The following PLEKHG1 variants were observed in gnomAD, a reference collection of about 807,000 sequenced individuals.
PLEKHG1 encodes pleckstrin homology and RhoGEF domain containing G1.
PLEKHG1 carries 44 observed loss-of-function variants against 100.8 expected under a neutral mutation model. The observed-to-expected ratio is 0.44, with a 90% CI of 0.34 to 0.56. PLEKHG1 has a LOEUF of 0.56. Ranked by LOEUF, PLEKHG1 falls within the 20% of genes least tolerant of loss-of-function variation. The pLI is 0.01. For synonymous variants in PLEKHG1, 640 were observed against 662.5 expected (o/e 0.97, Z 0.52); for missense variants, 1,545 against 1,720.9 (o/e 0.90, Z 1.81).
intron 1 of PLEKHG1, among the ~76,000 whole-genome samples, chr6:150,634,263 GA>G (rs1476864816): frequency 1.5e-5 from 2 of 133,536 alleles, no homozygotes; most frequent in Non-Finnish European, 3.1e-5. Context: ...AAAAAAAAAA[GA>G]AAAAAAGAGG....
At chr6:150,770,099 C>T (rs114696932) in intron 3 of PLEKHG1, among the ~76,000 whole-genome samples, 44 of 152,246 alleles carry the variant, frequency 2.9e-4, no homozygotes, top group African/African-American at 8.2e-4. Context: ...CCTAAAGTGC[C>T]GGCACAGAGG....
At chr6:150,657,440 C>T (rs1272373065) in intron 3 of PLEKHG1, among the ~76,000 whole-genome samples, 1 of 152,168 alleles carries the variant, frequency 6.6e-6, no homozygotes, top group African/African-American at 2.4e-5. Flanking sequence ...TGCTTATTTT[C>T]TGTTGGTTGG....
intron 3 of PLEKHG1, among the ~76,000 whole-genome samples, chr6:150,776,426 G>A (rs1046063533): frequency 2.0e-5 from 3 of 149,928 alleles, no homozygotes; most frequent in Non-Finnish European, 4.4e-5. Flanking sequence ...TCACACTGAT[G>A]CAATCCTGGT....
chr6:150,609,965 C>T lies in PLEKHG1; in HGVS notation c.-204+9948C>T, dbSNP rs558965410. On this transcript the variant is annotated intron_variant, in intron 1 of 3. Transcript: ENST00000367326. ...CTCCTTTAGTTCCCCAAGAAAAGTA[C>T]CCAAAGCGGCTCATGGCTCCAGGTG... 1.8e-4 allele frequency among the ~76,000 whole-genome samples: 28 copies of T among 152,298 alleles called. No homozygotes were observed. In the South Asian group the frequency reaches 5.4e-3, roughly 29 times the overall value.
At chr6:150,678,670 GCACCAATCTAATGTAGAGTTCTAAAA>G (rs1779839493) in intron 3 of PLEKHG1, among the ~76,000 whole-genome samples, 1 of 152,188 alleles carries the variant, frequency 6.6e-6, no homozygotes, top group African/African-American at 2.4e-5. Flanking sequence ...TTAAGGTTCT[GCACCAATCTAATGTAGAGTTCTAAAA>G]TTTTATAGTG....
chr6:150,636,377 G>A (rs114292835), intron 1 of PLEKHG1, among the ~76,000 whole-genome samples: 127 of 152,220 alleles, frequency 8.3e-4, no homozygotes, highest in African/African-American at 2.9e-3. Flanking sequence ...CTTTTGAGCC[G>A]TTCTGACGTG....
At chr6:150,838,634 A>T (rs1777355754) in intron 15 of PLEKHG1, among the ~76,000 whole-genome samples, 1 of 152,216 alleles carries the variant, frequency 6.6e-6, no homozygotes, top group Non-Finnish European at 1.5e-5. Flanking sequence ...TTGCTAGCCG[A>T]AGAGAATCCC....
intron 14 of PLEKHG1, among the ~76,000 whole-genome samples, chr6:150,825,698 C>T (rs1443665998): frequency 6.6e-6 from 1 of 152,112 alleles, no homozygotes; most frequent in Non-Finnish European, 1.5e-5. Context: ...ATGTATAAGC[C>T]GTGGATTAAG....
At chr6:150,795,741 A>G in intron 4 of PLEKHG1, 115 bp from the exon 6 acceptor site, 1 of 154,996 alleles carries the variant, frequency 6.5e-6, no homozygotes, top group Non-Finnish European at 1.2e-5. Flanking sequence ...AACAAAAAAC[A>G]TATATATATA....
intron 2 of PLEKHG1, among the ~76,000 whole-genome samples, chr6:150,738,085 C>A (rs1782671647): frequency 6.6e-6 from 1 of 151,958 alleles, no homozygotes. Context: ...AAATGGTGAG[C>A]TTACAGGTGA....
chr6:150,725,463 T>C lies in PLEKHG1; in HGVS notation c.-99+4263T>C, dbSNP rs1054919791. On this transcript the variant is annotated intron_variant, in intron 1 of 15. Transcript: ENST00000358517. ...TCTTTGTTCCTCTTCGTTCAACCCCTCACCTCCTGTTTGAATGAAAATATT... is the reference window on the plus strand; with the variant it reads ...TCTTTGTTCCTCTTCGTTCAACCCCCCACCTCCTGTTTGAATGAAAATATT... 7.9e-5 allele frequency among the ~76,000 whole-genome samples: 12 copies of C among 152,358 alleles called. No homozygotes were observed. The East Asian group carries it at 2.3e-3, about 29-fold the overall frequency.
intron 14 of PLEKHG1, among the ~76,000 whole-genome samples, chr6:150,824,424 A>G (rs903044666): frequency 4.6e-5 from 7 of 151,970 alleles, no homozygotes; most frequent in Admixed American, 3.3e-4. Flanking sequence ...CTATAATCTC[A>G]TTTCCACCAT....
intron 3 of PLEKHG1, among the ~76,000 whole-genome samples, chr6:150,653,835 A>G (rs1372960373): frequency 2.0e-5 from 3 of 152,194 alleles, no homozygotes; most frequent in Non-Finnish European, 2.9e-5. Context: ...AGAGAGATGC[A>G]TGCTTATATC....
intron 2 of PLEKHG1, among the ~76,000 whole-genome samples, chr6:150,741,829 A>G (rs1232544253): frequency 6.6e-6 from 1 of 152,222 alleles, no homozygotes; most frequent in African/African-American, 2.4e-5. Context: ...GCAGTACCAT[A>G]GACGTTCTGG....
intron 15 of PLEKHG1, among the ~76,000 whole-genome samples, chr6:150,837,850 T>C (rs999093308): frequency 3.3e-5 from 5 of 152,206 alleles, no homozygotes; most frequent in African/African-American, 1.2e-4. Flanking sequence ...GTATTAAGAG[T>C]CTTTACTGCG....
At chr6:150,782,714 A>T (rs1785383567) in intron 3 of PLEKHG1, among the ~76,000 whole-genome samples, 1 of 152,212 alleles carries the variant, frequency 6.6e-6, no homozygotes, top group Non-Finnish European at 1.5e-5. Context: ...CAAAAAGGGG[A>T]AATAATGCTA....
intron 2 of PLEKHG1, among the ~76,000 whole-genome samples, chr6:150,750,768 G>A (rs1194960051): frequency 3.0e-5 from 3 of 100,940 alleles, no homozygotes; most frequent in Non-Finnish European, 5.1e-5. Context: ...GCGACAGAGC[G>A]AGACTCCATC....
chr6:150,827,776 G>C, intron 14 of PLEKHG1: 1 of 1,426,170 alleles, frequency 7.0e-7, no homozygotes, highest in Admixed American at 1.7e-5. Context: ...GAGGAGCAGC[G>C]CATCCTCCAG....
intron 3 of PLEKHG1, among the ~76,000 whole-genome samples, chr6:150,769,504 C>T (rs1261811059): frequency 6.7e-6 from 1 of 150,242 alleles, no homozygotes; most frequent in African/African-American, 2.5e-5. Flanking sequence ...ATTGCTCGAA[C>T]CCAGGAGGTG....
Sources: allele counts gnomAD v4.1 joint callset (sites outside exome capture counted in the v4.1 genomes callset), GRCh38; gene constraint gnomAD v4.1.1; transcripts MANE v1.5; gene names NCBI Gene and HGNC (gene_info 2026-07-23, HGNC 2026-07-21).